MARCHF1: variants seen among roughly 807,000 people sequenced by gnomAD.
MARCHF1 encodes E3 ubiquitin-protein ligase MARCHF1.
In MARCHF1, 40 loss-of-function variants were observed where a neutral mutation model predicts 54.2. The observed-to-expected ratio is 0.74, with a 90% confidence interval of 0.57 to 0.96. The LOEUF is 0.96. Among genes scored for constraint, MARCHF1 ranks in the 40% least tolerant of loss-of-function variants. The pLI is 0.00. For synonymous variants in MARCHF1, 236 were observed against 236.3 expected, an observed-to-expected ratio of 1.00 and a Z score of 0.01; for missense variants, 586 against 656.5, an observed-to-expected ratio of 0.89 and a Z score of 1.17.
At chr4:163,951,552 G>A (rs1204910883) in intron 3 of MARCHF1, among the ~76,000 whole-genome samples, 1 of 152,170 alleles carries the variant, frequency 6.6e-6, no homozygotes, top group Non-Finnish European at 1.5e-5. Flanking sequence ...TCCCTAAAAC[G>A]AAGCCTCCAA....
chr4:164,126,019 T>TG (rs1380479949), intron 1 of MARCHF1, among the ~76,000 whole-genome samples: 2 of 152,324 alleles, frequency 1.3e-5, no homozygotes, highest in African/African-American at 4.8e-5. Context: ...GAGTTAATGT[T>TG]GTAAGTTTGA....
At chr4:164,145,137 C>A (rs1202982123) in intron 1 of MARCHF1, among the ~76,000 whole-genome samples, 1 of 150,588 alleles carries the variant, frequency 6.6e-6, no homozygotes, top group African/African-American at 2.4e-5. Flanking sequence ...AGTTGAATCT[C>A]TGAATAGACC....
At chr4:163,641,954 C>G (rs1397139763) in intron 5 of MARCHF1, among the ~76,000 whole-genome samples, 1 of 152,064 alleles carries the variant, frequency 6.6e-6, no homozygotes, top group Non-Finnish European at 1.5e-5. Context: ...CTTCTGTCCA[C>G]CAGTGGAGAC....
intron 2 of MARCHF1, among the ~76,000 whole-genome samples, chr4:164,109,580 A>G (rs1410230842): frequency 6.6e-6 from 1 of 151,744 alleles, no homozygotes; most frequent in Non-Finnish European, 1.5e-5. Context: ...CTTCATCATA[A>G]TTTTTATTTC....
At chr4:164,208,227 G>A (rs72987760) in intron 1 of MARCHF1, among the ~76,000 whole-genome samples, 1 of 152,122 alleles carries the variant, frequency 6.6e-6, no homozygotes, top group Non-Finnish European at 1.5e-5. Context: ...TCAAGACTGT[G>A]GAAAGTAACT....
At chr4:163,696,636 T>A (rs1342674449) in intron 5 of MARCHF1, among the ~76,000 whole-genome samples, 1 of 152,190 alleles carries the variant, frequency 6.6e-6, no homozygotes. Flanking sequence ...TAAAGTTCCA[T>A]CTCAAAAACC....
intron 5 of MARCHF1, among the ~76,000 whole-genome samples, chr4:163,640,814 T>A (rs1742526159): frequency 6.6e-6 from 1 of 152,142 alleles, no homozygotes; most frequent in Admixed American, 6.6e-5. Flanking sequence ...TTAATTTATA[T>A]ATCTTTAGGG....
At chr4:164,181,717 A>G (rs2111015675) in intron 1 of MARCHF1, among the ~76,000 whole-genome samples, 1 of 152,296 alleles carries the variant, frequency 6.6e-6, no homozygotes, top group African/African-American at 2.4e-5. Context: ...GAACTTGACA[A>G]TATAGTCCTA....
At chr4:163,543,052 G>A (rs1253286615) in intron 9 of MARCHF1, among the ~76,000 whole-genome samples, 2 of 152,074 alleles carry the variant, frequency 1.3e-5, no homozygotes, top group African/African-American at 4.8e-5. Flanking sequence ...ATGAATGTTC[G>A]GCCTAGCTGG....
At chr4:164,381,923 C>T (rs1731382907) in intron 1 of MARCHF1, among the ~76,000 whole-genome samples, 1 of 152,128 alleles carries the variant, frequency 6.6e-6, no homozygotes, top group Non-Finnish European at 1.5e-5. Flanking sequence ...ATAAAAAAAA[C>T]TGTATCACAG....
In MARCHF1 at chr4:163,527,868, A is replaced by G. The variant is rs1346073476; in HGVS notation, c.*880T>C. On this transcript the variant is annotated 3_prime_UTR_variant, in exon 10 of 10. Coordinates refer to ENST00000514618, the MANE Select transcript of MARCHF1 (RefSeq NM_001394959.1). ...TTGATGACATGTTGAAATAACATATAGTGTTTTTAAAAAATCAAAATTCAT... is the reference window on the plus strand; with the variant it reads ...TTGATGACATGTTGAAATAACATATGGTGTTTTTAAAAAATCAAAATTCAT... 6.6e-6 allele frequency: 1 copy of G among 152,110 alleles called. No homozygotes were observed. The highest frequency in any genetic ancestry group is 1.5e-5 in the Non-Finnish European group (1 of 67,970). The allele number at this position is 152,110 out of a possible 1,614,324, so 9.4% of individuals were successfully genotyped here.
chr4:164,039,366 C>T (rs1199896213), intron 2 of MARCHF1, among the ~76,000 whole-genome samples: 1 of 152,130 alleles, frequency 6.6e-6, no homozygotes, highest in African/African-American at 2.4e-5. Flanking sequence ...CAGAAAGAAC[C>T]TGGGTTGAAA....
chr4:164,023,401 C>G (rs1202884940), intron 2 of MARCHF1, among the ~76,000 whole-genome samples: 1 of 152,128 alleles, frequency 6.6e-6, no homozygotes, highest in African/African-American at 2.4e-5. Context: ...GGAAGTAAGA[C>G]CCCCTCTGCT....
At chr4:164,376,403 C>G (rs1355272458) in intron 1 of MARCHF1, among the ~76,000 whole-genome samples, 1 of 151,994 alleles carries the variant, frequency 6.6e-6, no homozygotes. Flanking sequence ...TCATTTTTCT[C>G]TAGAGAAGGA....
chr4:163,681,233 A>G (rs542255507), intron 5 of MARCHF1, among the ~76,000 whole-genome samples: 51 of 152,178 alleles, frequency 3.4e-4, no homozygotes, highest in African/African-American at 1.2e-3. Flanking sequence ...TATACCATTA[A>G]CCATTTTCAG....
At chr4:163,993,954 GATTT>G (rs906268833) in intron 2 of MARCHF1, among the ~76,000 whole-genome samples, 2 of 151,964 alleles carry the variant, frequency 1.3e-5, no homozygotes, top group Admixed American at 1.3e-4. Flanking sequence ...TTAAAAACAA[GATTT>G]ATTTTGGCAA....
At chr4:164,229,496 G>C (rs1181018971) in intron 1 of MARCHF1, among the ~76,000 whole-genome samples, 1 of 152,192 alleles carries the variant, frequency 6.6e-6, no homozygotes, top group Non-Finnish European at 1.5e-5. Flanking sequence ...CCCAGACAGA[G>C]TTTGAAACAG....
At chr4:164,094,491 T>C (rs1248422333) in intron 2 of MARCHF1, among the ~76,000 whole-genome samples, 1 of 152,152 alleles carries the variant, frequency 6.6e-6, no homozygotes, top group Non-Finnish European at 1.5e-5. Flanking sequence ...TCAGTGGCCA[T>C]GGACCTGCCT....
intron 4 of MARCHF1, among the ~76,000 whole-genome samples, chr4:163,820,647 T>G (rs1748667549): frequency 6.6e-6 from 1 of 152,018 alleles, no homozygotes; most frequent in Non-Finnish European, 1.5e-5. Context: ...TCTTTATTTC[T>G]AATAATAATA....
Sources: gnomAD v4.1 joint callset for allele counts (sites outside exome capture counted in the v4.1 genomes callset) on GRCh38, gnomAD v4.1.1 for gene constraint, MANE v1.5 for transcripts, NCBI Gene and HGNC (gene_info 2026-07-23, HGNC 2026-07-21) for gene names.